Variants in KCNK13 observed in about 807,000 individuals in gnomAD.
KCNK13 encodes the protein potassium two pore domain channel subfamily K member 13.
A neutral mutation model predicts 23.4 loss-of-function variants in KCNK13; 12 were observed. The observed-to-expected ratio is 0.51, with a 90% CI of 0.33 to 0.83. The LOEUF is 0.83. Among genes scored for constraint, KCNK13 ranks in the 40% least tolerant of loss-of-function variants. The pLI, the probability that KCNK13 is intolerant of heterozygous loss-of-function variation, is 0.02. For synonymous variants in KCNK13, 231 were observed against 229.5 expected (o/e 1.01, Z -0.06); for missense variants, 463 against 556.3 (o/e 0.83, Z 1.69).
intron 1 of KCNK13, among the ~76,000 whole-genome samples, chr14:90,065,129 T>C (rs995703794): frequency 1.8e-4 from 27 of 152,264 alleles, no homozygotes; most frequent in Admixed American, 1.8e-3. Flanking sequence ...CGTATACTTA[T>C]ATACATATGC....
intron 1 of KCNK13, among the ~76,000 whole-genome samples, chr14:90,174,906 G>T (rs905780162): frequency 6.6e-6 from 1 of 151,680 alleles, no homozygotes; most frequent in African/African-American, 2.4e-5. Flanking sequence ...AAAAATTTAG[G>T]GTCAGCAGAG....
chr14:90,101,176 G>A (rs1418923050), intron 1 of KCNK13, among the ~76,000 whole-genome samples: 1 of 152,132 alleles, frequency 6.6e-6, no homozygotes, highest in East Asian at 1.9e-4. Context: ...GGTGACGTAG[G>A]CAGGGTGTTT....
intron 1 of KCNK13, among the ~76,000 whole-genome samples, chr14:90,126,023 TAAA>T (rs34865130): frequency 2.8e-5 from 4 of 145,432 alleles, no homozygotes; most frequent in Admixed American, 1.4e-4. Context: ...AGACGCTATT[TAAA>T]AAAAAAAAAA....
intron 1 of KCNK13, among the ~76,000 whole-genome samples, chr14:90,164,719 C>A (rs1203753907): frequency 1.3e-5 from 2 of 152,128 alleles, no homozygotes; most frequent in African/African-American, 4.8e-5. Flanking sequence ...TATTTCAAGT[C>A]TTTTTGATTC....
intron 1 of KCNK13, among the ~76,000 whole-genome samples, chr14:90,075,418 C>G (rs1166423729): frequency 6.6e-6 from 1 of 152,108 alleles, no homozygotes; most frequent in Non-Finnish European, 1.5e-5. Flanking sequence ...TTGGAATCTA[C>G]CTTGTATCAT....
chr14:90,142,624 G>T (rs780249204), intron 1 of KCNK13, among the ~76,000 whole-genome samples: 2 of 152,188 alleles, frequency 1.3e-5, no homozygotes, highest in Non-Finnish European at 2.9e-5. Context: ...AGCCTTGGCT[G>T]TCCAATTCTT....
At chr14:90,162,112 C>A (rs149758013) in intron 1 of KCNK13, among the ~76,000 whole-genome samples, 1 of 152,148 alleles carries the variant, frequency 6.6e-6, no homozygotes, top group African/African-American at 2.4e-5. Flanking sequence ...CCTGGGAGGG[C>A]GAGGCTGCAG....
At chr14:90,064,146 A>G (rs1228123123) in intron 1 of KCNK13, among the ~76,000 whole-genome samples, 2 of 152,188 alleles carry the variant, frequency 1.3e-5, no homozygotes, top group African/African-American at 2.4e-5. Context: ...CAGTTCCAGA[A>G]TCTCCACATA....
At chr14:90,165,481 C>G (rs572750036) in intron 1 of KCNK13, among the ~76,000 whole-genome samples, 3 of 152,192 alleles carry the variant, frequency 2.0e-5, no homozygotes, top group African/African-American at 7.2e-5. Flanking sequence ...ACATAGTCAT[C>G]ATTCTTCAAA....
At chr14:90,063,065 G>T (rs940050111) in intron 1 of KCNK13, among the ~76,000 whole-genome samples, 1 of 151,988 alleles carries the variant, frequency 6.6e-6, no homozygotes, top group African/African-American at 2.4e-5. Flanking sequence ...TGCCAATGAC[G>T]GTTCAAAAGA....
intron 1 of KCNK13, among the ~76,000 whole-genome samples, chr14:90,101,842 C>CATGT (rs1159164356): frequency 6.8e-6 from 1 of 145,998 alleles, no homozygotes; most frequent in Non-Finnish European, 1.5e-5. Context: ...AGAACTTCCT[C>CATGT]ATGTAACCAA....
intron 1 of KCNK13, among the ~76,000 whole-genome samples, chr14:90,117,088 A>T (rs1360512993): frequency 6.6e-6 from 1 of 152,200 alleles, no homozygotes; most frequent in Non-Finnish European, 1.5e-5. Context: ...CAGCATCACT[A>T]CTGTCATGCT....
chr14:90,087,251 G>T (rs1206600718), intron 1 of KCNK13, among the ~76,000 whole-genome samples: 3 of 150,422 alleles, frequency 2.0e-5, no homozygotes, highest in Non-Finnish European at 4.4e-5. Flanking sequence ...CTTTCAAAGT[G>T]CTGGGATTAC....
chr14:90,181,290 C>T (rs1250458833), intron 1 of KCNK13, among the ~76,000 whole-genome samples: 1 of 152,162 alleles, frequency 6.6e-6, no homozygotes, highest in Non-Finnish European at 1.5e-5. Flanking sequence ...GGAGGTTTAT[C>T]CACAATAGAG....
At chr14:90,175,531 G>T (rs948770919) in intron 1 of KCNK13, among the ~76,000 whole-genome samples, 6 of 152,128 alleles carry the variant, frequency 3.9e-5, no homozygotes, top group African/African-American at 1.2e-4. Flanking sequence ...ACCTTGCAAG[G>T]CCTCCTCTTG....
chr14:90,170,824 CA>C (rs34729492), intron 1 of KCNK13, among the ~76,000 whole-genome samples: 10,510 of 152,174 alleles, frequency 0.069, 472 homozygotes, highest in East Asian at 0.17. Flanking sequence ...ATCAGATATG[CA>C]TTTGTGTCTG....
intron 1 of KCNK13, among the ~76,000 whole-genome samples, chr14:90,079,218 G>T (rs541891349): frequency 6.6e-6 from 1 of 152,228 alleles, no homozygotes; most frequent in East Asian, 1.9e-4. Context: ...CCCTTTTGAG[G>T]CACTGTCTTT....
At chr14:90,104,711 G>A (rs925240519) in intron 1 of KCNK13, among the ~76,000 whole-genome samples, 4 of 151,486 alleles carry the variant, frequency 2.6e-5, no homozygotes, top group Admixed American at 2.6e-4. Context: ...GGGCAAGGAA[G>A]GTGGAAGAGT....
chr14:90,087,201 G>T lies in KCNK13; in HGVS notation c.334+24662G>T, dbSNP rs1889291662. ...GGGCCTCACTATGTTGCCCAGGCTGGTCTCAAACTCCTGGGCTGAAGCAAT... is the reference window on the plus strand; with the variant it reads ...GGGCCTCACTATGTTGCCCAGGCTGTTCTCAAACTCCTGGGCTGAAGCAAT... On this transcript the variant is annotated intron_variant, in intron 1 of 1. Transcript: ENST00000282146. 2.9e-5 allele frequency among the ~76,000 whole-genome samples: 4 copies of T among 139,346 alleles called. No individual in the cohort carries two copies. In the South Asian group the frequency reaches 8.8e-4, roughly 31 times the overall value. The allele number at this position is 139,346 out of a possible 152,430, so 91.4% of individuals were successfully genotyped here. A position where few individuals can be genotyped will look rare whatever the true frequency, so the allele number is the denominator to read the frequency against.
Sources: allele counts gnomAD v4.1 joint callset (sites outside exome capture counted in the v4.1 genomes callset), GRCh38; gene constraint gnomAD v4.1.1; transcripts MANE v1.5; gene names NCBI Gene and HGNC (gene_info 2026-07-23, HGNC 2026-07-21).